Variants in MSTO1 observed in about 807,000 individuals in gnomAD.
MSTO1 encodes misato mitochondrial distribution and morphology regulator 1.
A neutral mutation model predicts 55.7 loss-of-function variants in MSTO1; 24 were observed. That is an observed-to-expected ratio of 0.43 (90% confidence interval 0.31 to 0.61). MSTO1 has a LOEUF of 0.61. MSTO1 is among the 20% of genes least tolerant of loss of function. MSTO1 has a pLI of 0.09. For synonymous variants in MSTO1, 162 were observed against 252.8 expected (o/e 0.64, Z 3.41); for missense variants, 363 against 625.7 (o/e 0.58, Z 4.48).
chr1:155,580,302 G>A, the MSTO1 span, among the ~76,000 whole-genome samples: 4 of 151,244 alleles, frequency 2.6e-5, no homozygotes, highest in Non-Finnish European at 4.4e-5. Context: ...GAGGCAGGAC[G>A]ATCCCTTGTG....
chr1:155,609,770 G>GT (rs1673428754), upstream of MSTO1: 1 of 177,408 alleles, frequency 5.6e-6, no homozygotes, highest in Non-Finnish European at 1.2e-5. Context: ...CAGTCCACAG[G>GT]TTATTAGTCG....
chr1:155,603,853 G>T, the MSTO1 span, among the ~76,000 whole-genome samples: 1 of 151,800 alleles, frequency 6.6e-6, no homozygotes, highest in Admixed American at 6.6e-5. Context: ...GCGAGACTCT[G>T]TCTCCAAAAG....
chr1:155,585,548 GAAAATGATAGCC>G, the MSTO1 span, among the ~76,000 whole-genome samples: 1 of 150,352 alleles, frequency 6.7e-6, no homozygotes, highest in African/African-American at 2.4e-5. Context: ...AAAGAAAAGT[GAAAATGATAGCC>G]AAAATGAACT....
intron 13 of MSTO1, 29 bp from the exon 14 acceptor site, chr1:155,614,030 A>G (rs1263573819): frequency 5.0e-6 from 8 of 1,602,214 alleles, no homozygotes; most frequent in Middle Eastern, 1.9e-4. Context: ...TCATCCATCT[A>G]CAGGTCTCTG....
intron 13 of MSTO1, 48 bp from the exon 14 acceptor site, chr1:155,614,011 G>T (rs767950495): frequency 3.3e-5 from 53 of 1,606,938 alleles, no homozygotes; most frequent in Non-Finnish European, 4.4e-5. Flanking sequence ...GAGTCCCAGG[G>T]CAGAATAATC....
the MSTO1 span, among the ~76,000 whole-genome samples, chr1:155,591,996 T>C: frequency 0.036 from 5,511 of 152,208 alleles, 142 homozygotes; most frequent in Non-Finnish European, 0.049. Context: ...TAGCACCACC[T>C]TGTGGCCCTT....
chr1:155,598,819 T>G, the MSTO1 span: 14 of 1,299,796 alleles, frequency 1.1e-5, no homozygotes, highest in Non-Finnish European at 1.6e-5. Context: ...AACATATATT[T>G]TAGATGGAGA....
chr1:155,564,975 G>C, the MSTO1 span, among the ~76,000 whole-genome samples: 1 of 152,068 alleles, frequency 6.6e-6, no homozygotes, highest in Admixed American at 6.6e-5. Context: ...CAAAAAATTA[G>C]CCGGGCGTGG....
At chr1:155,609,513 G>T (rs1426702003), upstream of MSTO1, among the ~76,000 whole-genome samples, 1 of 152,026 alleles carries the variant, frequency 6.6e-6, no homozygotes, top group Non-Finnish European at 1.5e-5. Flanking sequence ...CTCCCAAAGT[G>T]CTGGGATTAC....
In MSTO1 at chr1:155,612,877, G is replaced by C; in HGVS notation, c.1000G>C (p.Ala334Pro). 6.2e-7 allele frequency: 1 copy of C among 1,613,918 alleles called. No individual in the cohort carries two copies. The highest frequency in any genetic ancestry group is 8.5e-7 in the Non-Finnish European group (1 of 1,179,850). Reference sequence around the variant, plus strand: ...GCCCTTCCACTGCAGTGCCATCCTGGCTACAGCCCTGGACACAGTCACTGT... The same window carrying C: ...GCCCTTCCACTGCAGTGCCATCCTGCCTACAGCCCTGGACACAGTCACTGT... ...TLPFHCSAILATALDTVTVPY... is the reference protein window; with the variant it reads ...TLPFHCSAILPTALDTVTVPY... The change falls in exon 10 of 14, where the codon GCT (alanine) becomes CCT (proline). Residue 334 changes from alanine (A) to proline (P), a missense_variant. Transcript: ENST00000245564.
At chr1:155,609,365 C>T (rs938746699), upstream of MSTO1, among the ~76,000 whole-genome samples, 1 of 149,874 alleles carries the variant, frequency 6.7e-6, no homozygotes, top group Non-Finnish European at 1.5e-5. Context: ...CCTGCCTCAG[C>T]CTCCCGAGTA....
chr1:155,611,880 A>C, intron 6 of MSTO1, 53 bp downstream of exon 6: 1 of 691,970 alleles, frequency 1.4e-6, no homozygotes, highest in Non-Finnish European at 2.3e-6. Context: ...CCACCAATGC[A>C]GGATGAGGCT....
At chr1:155,565,847 CTGAATTATT>C in the MSTO1 span, among the ~76,000 whole-genome samples, 1 of 152,128 alleles carries the variant, frequency 6.6e-6, no homozygotes, top group African/African-American at 2.4e-5. Flanking sequence ...TGAACAAACC[CTGAATTATT>C]TGAACCAATG....
chr1:155,602,479 A>G, the MSTO1 span, among the ~76,000 whole-genome samples: 9 of 151,918 alleles, frequency 5.9e-5, no homozygotes, highest in Non-Finnish European at 8.8e-5. Flanking sequence ...TCCATCTCAA[A>G]ACAACAACAA....
At chr1:155,590,947 G>T in the MSTO1 span, 538 of 1,613,900 alleles carry the variant, frequency 3.3e-4, 1 homozygote, top group Non-Finnish European at 3.4e-4. Context: ...CTCCACACAG[G>T]TGGTACACTT....
At chr1:155,595,268 G>C in the MSTO1 span, among the ~76,000 whole-genome samples, 6 of 139,644 alleles carry the variant, frequency 4.3e-5, no homozygotes, top group East Asian at 4.7e-4. Context: ...AGCTCTGCCT[G>C]CCGGGTTCAC....
Position 155,613,226 on chromosome 1 carries a change from C to T in MSTO1, c.1276C>T (p.His426Tyr), listed in dbSNP as rs373302061. 3.0e-5 allele frequency: 48 copies of T among 1,613,452 alleles called. No homozygotes were observed. The African/African-American group carries it at 5.7e-4, about 19-fold the overall frequency. The change falls in exon 11 of 14, where the codon CAC becomes TAC. Residue 426 changes from histidine to tyrosine, a missense_variant. Physicochemically the swap from His to Tyr is moderately conservative, Grantham distance 83 (BLOSUM62 2). Around this residue, in one of 3 missense-constraint regions of MSTO1, gnomAD observed 231 missense variants for 286.9 expected, o/e 0.81. Coordinates refer to ENST00000245564, the MANE Select transcript of MSTO1 (RefSeq NM_018116.4). ...GCTGAGGGGTATAGACAGAGCATGC[C>T]ACACAAGGTGAGAGCTGTTGGTCCT... Reference protein sequence around the residue: ...VVLRGIDRACHTSQLTPGTPP... With the variant: ...VVLRGIDRACYTSQLTPGTPP...
the MSTO1 span, chr1:155,591,308 C>T: frequency 7.0e-7 from 1 of 1,430,540 alleles, no homozygotes; most frequent in Non-Finnish European, 9.5e-7. Context: ...TGCGAAATTC[C>T]TAGGCCAAGT....
At chr1:155,572,784 G>A in the MSTO1 span, among the ~76,000 whole-genome samples, 1 of 151,964 alleles carries the variant, frequency 6.6e-6, no homozygotes, top group Non-Finnish European at 1.5e-5. Context: ...CCAAGTAACT[G>A]GGTTTGCAGG....
Sources: gnomAD v4.1 joint callset for allele counts (sites outside exome capture counted in the v4.1 genomes callset) on GRCh38, gnomAD v4.1.1 for gene constraint, gnomAD v4.1.1 regional missense constraint, MANE v1.5 for transcripts, NCBI Gene and HGNC (gene_info 2026-07-23, HGNC 2026-07-21) for gene names.